The following ZFAND3 variants were observed in gnomAD, a reference collection of about 807,000 sequenced individuals.
ZFAND3 encodes AN1-type zinc finger protein 3.
In ZFAND3, 10 loss-of-function variants were observed where a neutral mutation model predicts 29.6. The ratio of observed to expected loss-of-function variants is 0.34; its 90% CI spans 0.21 to 0.57. The LOEUF is 0.57. ZFAND3 is among the 20% of genes least tolerant of loss of function. The probability of loss-of-function intolerance (pLI) is 0.86; values close to 1 mark genes in which losing one functional copy is unlikely to be tolerated. For missense variants in ZFAND3, 230 were observed against 304.5 expected (o/e 0.76, Z 1.82); for synonymous variants, 128 against 112.6 (o/e 1.14, Z -0.87).
At chr6:37,910,032 A>G (rs530618095) in intron 1 of ZFAND3, among the ~76,000 whole-genome samples, 116 of 152,356 alleles carry the variant, frequency 7.6e-4, no homozygotes, top group African/African-American at 2.6e-3. Context: ...ATGTAGGTCT[A>G]AGGCTTGTTC....
chr6:37,913,398 T>G lies in ZFAND3; in HGVS notation c.72-16561T>G, dbSNP rs535903369. ...GTAGATTTAACTCAAGAAACCATTT[T>G]CATTCATTACTCATTCATTTCAATT... On this transcript the variant is annotated intron_variant, in intron 1 of 5. Coordinates refer to ENST00000287218, the MANE Select transcript of ZFAND3 (RefSeq NM_021943.3). Among the ~76,000 whole-genome samples the G allele has an allele frequency of 3.9e-4, 60 of 152,356 alleles. 1 individual carries two copies. The South Asian group carries it at 0.011, about 29-fold the overall frequency.
At chr6:38,142,115 G>A (rs561067047) in intron 5 of ZFAND3, 71 of 453,210 alleles carry the variant, frequency 1.6e-4, no homozygotes, top group Middle Eastern at 6.7e-4. Flanking sequence ...CAGCTGTTAA[G>A]GGACTTGCTG....
rs544171379 is a variant in ZFAND3 at position 38,153,577 on chromosome 6, C to T, written c.*1188C>T. The T allele has an allele frequency of 2.0e-6, 2 of 985,454 alleles. No individual in the cohort carries two copies. The highest frequency in any genetic ancestry group is 2.3e-4 in the East Asian group (2 of 8,806). 61.0% of individuals were successfully genotyped at this position (985,454 alleles called of 1,614,324 possible). A position where few individuals can be genotyped will look rare whatever the true frequency, so the allele number is the denominator to read the frequency against. On this transcript the variant is annotated 3_prime_UTR_variant, in exon 6 of 6. Transcript: ENST00000287218. The stretch of plus-strand genomic sequence containing the variant: ...CCCAGCTCCGAGAGTGATATTTGCT[C>T]TGGTAGGTGAGGGCCTGAGGGTACA...
chr6:38,142,009 A>G (rs1266010856), intron 5 of ZFAND3, among the ~76,000 whole-genome samples: 2 of 152,252 alleles, frequency 1.3e-5, no homozygotes, highest in African/African-American at 4.8e-5. Context: ...CCTGAGCCAC[A>G]TAACTGTCAA....
intron 1 of ZFAND3, among the ~76,000 whole-genome samples, chr6:37,898,363 T>G (rs1426638591): frequency 1.3e-5 from 2 of 152,220 alleles, no homozygotes; most frequent in Non-Finnish European, 2.9e-5. Flanking sequence ...TTGGTCTGTT[T>G]GTCTGTTTCT....
At chr6:38,039,707 T>C (rs758849841) in intron 2 of ZFAND3, among the ~76,000 whole-genome samples, 20 of 152,138 alleles carry the variant, frequency 1.3e-4, no homozygotes, top group South Asian at 6.2e-4. Context: ...AAGGAGACAT[T>C]CCAGAGTCAT....
At chr6:37,964,861 C>T (rs995078448) in intron 2 of ZFAND3, among the ~76,000 whole-genome samples, 1 of 152,080 alleles carries the variant, frequency 6.6e-6, no homozygotes, top group Admixed American at 6.6e-5. Context: ...CTCTCTGAGC[C>T]GTAGTTTTCT....
chr6:38,093,887 A>G (rs1473243830), intron 4 of ZFAND3, among the ~76,000 whole-genome samples: 2 of 152,158 alleles, frequency 1.3e-5, no homozygotes, highest in Non-Finnish European at 2.9e-5. Context: ...TGGTTAAAAT[A>G]GTGAACTATT....
intron 5 of ZFAND3, among the ~76,000 whole-genome samples, chr6:38,136,401 ACT>A (rs1326206759): frequency 6.6e-6 from 1 of 151,884 alleles, no homozygotes; most frequent in Non-Finnish European, 1.5e-5. Flanking sequence ...AAGACAGATG[ACT>A]CTGGCCCGTG....
At chr6:37,913,705 A>ATT (rs1581756231) in intron 1 of ZFAND3, among the ~76,000 whole-genome samples, 1 of 111,646 alleles carries the variant, frequency 9.0e-6, no homozygotes, top group Non-Finnish European at 2.0e-5. Flanking sequence ...TGGCAGCTAT[A>ATT]TTCTTTTTTT....
At chr6:37,938,625 G>A (rs527720341) in intron 2 of ZFAND3, among the ~76,000 whole-genome samples, 8 of 152,110 alleles carry the variant, frequency 5.3e-5, no homozygotes, top group Non-Finnish European at 8.8e-5. Flanking sequence ...GTTCCTTAAC[G>A]GATTAGCAGT....
chr6:37,873,425 T>A (rs1235288670), intron 1 of ZFAND3, among the ~76,000 whole-genome samples: 2 of 152,234 alleles, frequency 1.3e-5, no homozygotes, highest in African/African-American at 4.8e-5. Context: ...CTTGTTTGCT[T>A]GCTTGCTAGA....
At chr6:37,913,797 G>A (rs781223931) in intron 1 of ZFAND3, among the ~76,000 whole-genome samples, 1 of 144,846 alleles carries the variant, frequency 6.9e-6, no homozygotes, top group African/African-American at 2.6e-5. Flanking sequence ...TGCAACCTCC[G>A]CCTCCCGGGT....
chr6:38,013,062 G>A (rs537800396), intron 2 of ZFAND3, among the ~76,000 whole-genome samples: 4 of 152,194 alleles, frequency 2.6e-5, no homozygotes, highest in South Asian at 4.2e-4. Context: ...TCAACTTTTT[G>A]TTCTAAGTCA....
intron 5 of ZFAND3, among the ~76,000 whole-genome samples, chr6:38,145,342 G>A (rs760054010): frequency 3.3e-5 from 5 of 152,236 alleles, no homozygotes; most frequent in Non-Finnish European, 5.9e-5. Flanking sequence ...CTTTTGGGCA[G>A]TGATTGATGT....
chr6:38,048,940 G>T (rs1680503678), intron 2 of ZFAND3, among the ~76,000 whole-genome samples: 1 of 152,090 alleles, frequency 6.6e-6, no homozygotes, highest in African/African-American at 2.4e-5. Context: ...AAGTTCATTT[G>T]TCTCTGTTTA....
intron 3 of ZFAND3, among the ~76,000 whole-genome samples, chr6:38,068,299 G>A (rs527714733): frequency 9.6e-4 from 146 of 152,308 alleles, no homozygotes; most frequent in Middle Eastern, 3.4e-3. Flanking sequence ...TTTGTGAAAT[G>A]TGGGAAATAC....
intron 2 of ZFAND3, among the ~76,000 whole-genome samples, chr6:38,014,326 T>TATG (rs1324941792): frequency 6.6e-6 from 1 of 150,668 alleles, no homozygotes; most frequent in African/African-American, 2.4e-5. Context: ...TTATTATTAT[T>TATG]ATTATTTTTT....
chr6:37,996,312 C>A lies in ZFAND3; in HGVS notation c.113-65281C>A, dbSNP rs193050445. ...CTTCAGCATTATTATCTGATCAACA[C>A]ATATATGAATGGAATAGTAAAACTT... On this transcript the variant is annotated intron_variant, in intron 2 of 5. Coordinates refer to ENST00000287218, the MANE Select transcript of ZFAND3 (RefSeq NM_021943.3). Among the ~76,000 whole-genome samples the A allele has an allele frequency of 7.2e-4, 110 of 152,232 alleles. 1 individual carries two copies. In the East Asian group the frequency reaches 0.017, roughly 23 times the overall value.
Sources: gnomAD v4.1 joint callset for allele counts (sites outside exome capture counted in the v4.1 genomes callset) on GRCh38, gnomAD v4.1.1 for gene constraint, MANE v1.5 for transcripts, NCBI Gene and HGNC (gene_info 2026-07-23, HGNC 2026-07-21) for gene names.